C9: variants seen among roughly 807,000 people sequenced by gnomAD.
C9 encodes complement component C9.
In C9, 63 loss-of-function variants were observed where a neutral mutation model predicts 65.4. The observed-to-expected ratio is 0.96, with a 90% CI of 0.79 to 1.19. C9 has a LOEUF of 1.19. Ranked by LOEUF, C9 falls within the 50% of genes most tolerant of loss-of-function variation. The probability of loss-of-function intolerance (pLI) is 0.00; values close to 1 mark genes in which losing one functional copy is unlikely to be tolerated. For missense variants in C9, 744 were observed against 670.1 expected, an observed-to-expected ratio of 1.11 and a Z score of -1.22; for synonymous variants, 229 against 227.9, an observed-to-expected ratio of 1.00 and a Z score of -0.04.
At chr5:39,313,597 C>A (rs778006247) in intron 6 of C9, among the ~76,000 whole-genome samples, 2 of 152,142 alleles carry the variant, frequency 1.3e-5, no homozygotes, top group Non-Finnish European at 2.9e-5. Context: ...AGCCTCCCAG[C>A]GATGCTGATG....
intron 1 of C9, among the ~76,000 whole-genome samples, chr5:39,351,513 G>A: frequency 6.6e-6 from 1 of 152,142 alleles, no homozygotes; most frequent in East Asian, 1.9e-4. Context: ...AATGAGCATA[G>A]GATTTTAGAA....
intron 4 of C9, among the ~76,000 whole-genome samples, chr5:39,336,228 C>CT (rs977583330): frequency 5.3e-5 from 8 of 151,920 alleles, no homozygotes; most frequent in Admixed American, 3.3e-4. Context: ...ATAGGCTTTA[C>CT]TTTTTAGAGC....
At chr5:39,333,554 A>C (rs1028297016) in intron 4 of C9, among the ~76,000 whole-genome samples, 2 of 116,304 alleles carry the variant, frequency 1.7e-5, no homozygotes, top group Non-Finnish European at 3.8e-5. Flanking sequence ...AAACACTTAT[A>C]TCTCCCTCTC....
At chr5:39,308,824 C>T (rs1379869431) in intron 7 of C9, among the ~76,000 whole-genome samples, 2 of 152,086 alleles carry the variant, frequency 1.3e-5, no homozygotes, top group Admixed American at 6.6e-5. Context: ...AGTTGAATAA[C>T]CTACTAATGG....
chr5:39,313,921 C>G (rs566564036), intron 6 of C9, among the ~76,000 whole-genome samples: 3 of 152,288 alleles, frequency 2.0e-5, no homozygotes, highest in East Asian at 3.9e-4. Context: ...TCTGCTCTAT[C>G]TGAAGCTTTC....
At chr5:39,290,138 TA>T (rs1753061459) in intron 9 of C9, among the ~76,000 whole-genome samples, 1 of 151,782 alleles carries the variant, frequency 6.6e-6, no homozygotes, top group Non-Finnish European at 1.5e-5. Flanking sequence ...TGAAAGTTTT[TA>T]AATGGAGGAG....
At chr5:39,289,068 G>A (rs1272873756) in intron 9 of C9, 117 bp from the exon 10 acceptor site, 1 of 702,588 alleles carries the variant, frequency 1.4e-6, no homozygotes, top group Non-Finnish European at 2.6e-6. Flanking sequence ...CTTATTGAAT[G>A]TATAGTATTG....
chr5:39,352,844 T>G (rs913500813), intron 1 of C9, among the ~76,000 whole-genome samples: 62 of 151,870 alleles, frequency 4.1e-4, no homozygotes, highest in African/African-American at 1.4e-3. Context: ...GTTTTTTTTT[T>G]TTTTTTTTTT....
At chr5:39,294,253 A>C (rs1247828283) in intron 9 of C9, among the ~76,000 whole-genome samples, 1 of 151,878 alleles carries the variant, frequency 6.6e-6, no homozygotes, top group Non-Finnish European at 1.5e-5. Context: ...TATACAAAGG[A>C]TTAATGAAAC....
chr5:39,348,242 A>C (rs1182584509), intron 1 of C9, among the ~76,000 whole-genome samples: 5 of 152,164 alleles, frequency 3.3e-5, no homozygotes, highest in African/African-American at 1.2e-4. Context: ...CAACCTACAG[A>C]ATGGGAGAAA....
At chr5:39,348,982 G>C (rs35846901) in intron 1 of C9, among the ~76,000 whole-genome samples, 2,438 of 140,522 alleles carry the variant, frequency 0.017, 32 homozygotes, top group South Asian at 0.042. Flanking sequence ...GAGAACACTT[G>C]GACACAGGGT....
At chr5:39,305,025 A>G (rs1405334309) in intron 9 of C9, among the ~76,000 whole-genome samples, 1 of 152,170 alleles carries the variant, frequency 6.6e-6, no homozygotes, top group Non-Finnish European at 1.5e-5. Flanking sequence ...TTTGCTTTGT[A>G]GAGATGAGAA....
intron 4 of C9, among the ~76,000 whole-genome samples, chr5:39,335,022 T>C (rs575042019): frequency 1.3e-5 from 2 of 151,932 alleles, no homozygotes; most frequent in East Asian, 1.9e-4. Flanking sequence ...TAAACACTTA[T>C]TTTTGTATCA....
intron 9 of C9, among the ~76,000 whole-genome samples, chr5:39,290,820 G>A (rs1209877099): frequency 6.6e-6 from 1 of 151,816 alleles, no homozygotes; most frequent in African/African-American, 2.4e-5. Context: ...CTGGAATTCA[G>A]ATCAACCAAG....
chr5:39,341,210 G>T lies in C9; in HGVS notation c.412C>A (p.Pro138Thr), dbSNP rs1413214753. Reference protein sequence around the residue: ...FSDEDDCESEPRPPCRDRVVE... With the variant: ...FSDEDDCESETRPPCRDRVVE... ...ACTCTGTCTCTGCAGGGGGGACGGG[G>T]CTCACTTTCACAATCATCCTCATCT... The change falls in exon 4 of 11, where the codon CCC (proline) becomes ACC (threonine). Residue 138 changes from proline (P) to threonine (T), a missense_variant. Coordinates refer to ENST00000263408, the MANE Select transcript of C9 (RefSeq NM_001737.5). The T allele has an allele frequency of 4.3e-6, 7 of 1,614,104 alleles. No individual in the cohort carries two copies. Among genetic ancestry groups the T allele is most frequent in the Non-Finnish European group, 5.9e-6 (7 of 1,179,992 alleles).
intron 7 of C9, among the ~76,000 whole-genome samples, chr5:39,310,529 A>T (rs1179696700): frequency 3.3e-5 from 5 of 152,138 alleles, no homozygotes; most frequent in Non-Finnish European, 5.9e-5. Context: ...GACATTGATA[A>T]TTAACCATGG....
chr5:39,314,183 C>T (rs1315730655), intron 6 of C9, among the ~76,000 whole-genome samples: 3 of 152,136 alleles, frequency 2.0e-5, no homozygotes, highest in African/African-American at 7.2e-5. Context: ...GGCGCGGTGG[C>T]TCACACCTGT....
chr5:39,342,795 T>C (rs1051600806), intron 1 of C9, among the ~76,000 whole-genome samples: 1 of 152,158 alleles, frequency 6.6e-6, no homozygotes, highest in African/African-American at 2.4e-5. Context: ...AGTTTTAACA[T>C]CATATATTTT....
In C9 at chr5:39,340,946, G is replaced by T. The variant is rs113844939; in HGVS notation, c.476+200C>A. The stretch of plus-strand genomic sequence containing the variant: ...TCCACTCTACAGACCCCTACTGAGG[G>T]CAGGCAATTTGTCCAAATTATCCTG... On this transcript the variant is annotated intron_variant, in intron 4 of 10. Transcript: ENST00000263408. 5 of 644,434 alleles carry T rather than the reference G, an allele frequency of 7.8e-6. No individual in the cohort carries two copies. In the African/African-American group the frequency reaches 9.0e-5, roughly 12 times the overall value. 39.9% of individuals were successfully genotyped at this position (644,434 alleles called of 1,614,324 possible).
Sources: allele counts gnomAD v4.1 joint callset (sites outside exome capture counted in the v4.1 genomes callset), GRCh38; gene constraint gnomAD v4.1.1; transcripts MANE v1.5; gene names NCBI Gene and HGNC (gene_info 2026-07-23, HGNC 2026-07-21).